The following PLEKHG4B variants were observed in gnomAD, a reference collection of about 807,000 sequenced individuals.
PLEKHG4B encodes the protein pleckstrin homology domain-containing family G member 4B.
In PLEKHG4B, 111 loss-of-function variants were observed where a neutral mutation model predicts 121.3. That is an observed-to-expected ratio of 0.92 (90% CI 0.78 to 1.07). PLEKHG4B has a LOEUF of 1.07. Ranked by LOEUF, PLEKHG4B falls within the 50% of genes least tolerant of loss-of-function variation. PLEKHG4B has a pLI of 0.00. For synonymous variants in PLEKHG4B, 738 were observed against 725.0 expected, an observed-to-expected ratio of 1.02 and a Z score of -0.29; for missense variants, 1,831 against 1,757.8, an observed-to-expected ratio of 1.04 and a Z score of -0.74.
intron 2 of PLEKHG4B, among the ~76,000 whole-genome samples, chr5:120,170 T>C (rs1734426911): frequency 6.6e-6 from 1 of 152,166 alleles, no homozygotes; most frequent in Admixed American, 6.5e-5. Flanking sequence ...AGAGGATTAC[T>C]TGAGCCTGGG....
rs34114320 is a variant in PLEKHG4B, at chr5:152,377, CTT to C, written c.1992+792_1992+793del. On this transcript the variant is annotated intron_variant, in intron 7 of 19. Transcript: ENST00000637938. ...AGGTGTGCACCCCCATGCCAAGCTA[CTT>C]TTTTTTTTTTTTTAAGAGACAGGTT... Among the ~76,000 whole-genome samples, 448 of 142,980 alleles carry C rather than the reference CTT, an allele frequency of 3.1e-3. 6 individuals carry two copies. Among genetic ancestry groups the C allele is most frequent in the African/African-American group, 0.01 (398 of 39,372 alleles). The allele number at this position is 142,980 out of a possible 152,430, so 93.8% of individuals were successfully genotyped here.
chr5:185,277 C>G lies in PLEKHG4B; in HGVS notation c.*2954C>G, dbSNP rs1171448583. ...CCGGCAAGCCACAGACAGGCCTGCT[C>G]TCTGAATTGGTGACCACATGAGTAA... On this transcript the variant is annotated 3_prime_UTR_variant, in exon 20 of 20. Coordinates refer to ENST00000637938, the MANE Select transcript of PLEKHG4B (RefSeq NM_052909.5). 6.6e-6 allele frequency: 1 copy of G among 152,274 alleles called. No homozygotes were observed. The highest frequency in any genetic ancestry group is 1.5e-5 in the Non-Finnish European group (1 of 68,078). 9.4% of individuals were successfully genotyped at this position (152,274 alleles called of 1,614,324 possible). A position where few individuals can be genotyped will look rare whatever the true frequency, so the allele number is the denominator to read the frequency against.
intron 2 of PLEKHG4B, among the ~76,000 whole-genome samples, chr5:131,796 G>C (rs1321549766): frequency 6.6e-6 from 1 of 152,134 alleles, no homozygotes; most frequent in African/African-American, 2.4e-5. Flanking sequence ...ACTTTTTAAT[G>C]ATTGCCATTC....
At chr5:141,603 C>T (rs1735205883) in intron 3 of PLEKHG4B, among the ~76,000 whole-genome samples, 1 of 151,678 alleles carries the variant, frequency 6.6e-6, no homozygotes. Flanking sequence ...AACTGGAGGC[C>T]ACATTCACAG....
Position 171,269 on chromosome 5 carries a change from C to T in PLEKHG4B, c.3875C>T (p.Pro1292Leu). Residue 1292 changes from proline to leucine, a missense_variant, in exon 16 of 20, where the codon CCC (proline) becomes CTC (leucine). Physicochemically the swap from Pro to Leu is moderately conservative, Grantham distance 98 (BLOSUM62 -3). Transcript: ENST00000637938. ...KMDLASYLLR[P>L]VQRVAKYALL... ...GACCTGGCCTCCTACCTGCTGCGGCCCGTGCAGCGTGTGGCCAAGTACGCG... is the reference window on the plus strand; with the variant it reads ...GACCTGGCCTCCTACCTGCTGCGGCTCGTGCAGCGTGTGGCCAAGTACGCG... The T allele has an allele frequency of 6.2e-7, 1 of 1,611,146 alleles. No homozygotes were observed. The highest frequency in any genetic ancestry group is 1.1e-5 in the South Asian group (1 of 90,822).
chr5:177,410 A>AT (rs1323508145), intron 18 of PLEKHG4B, among the ~76,000 whole-genome samples: 1 of 152,216 alleles, frequency 6.6e-6, no homozygotes, highest in Non-Finnish European at 1.5e-5. Flanking sequence ...GTATTACCTA[A>AT]TTTCCAAGAT....
At chr5:115,085 C>G (rs1166514922) in intron 2 of PLEKHG4B, among the ~76,000 whole-genome samples, 1 of 152,210 alleles carries the variant, frequency 6.6e-6, no homozygotes, top group East Asian at 1.9e-4. Flanking sequence ...CAGCTATAGT[C>G]TTACAAAATG....
chr5:171,817 G>A (rs1295146672), intron 16 of PLEKHG4B, among the ~76,000 whole-genome samples: 2 of 152,254 alleles, frequency 1.3e-5, no homozygotes, highest in Non-Finnish European at 2.9e-5. Flanking sequence ...AGCCCTCTGT[G>A]AGAAGGCACT....
At chr5:172,851 A>G (rs1263866177) in intron 16 of PLEKHG4B, 46 bp from the exon 17 acceptor site, 1 of 1,607,852 alleles carries the variant, frequency 6.2e-7, no homozygotes, top group East Asian at 2.2e-5. Flanking sequence ...GCCACCACAG[A>G]CGCCGGATTT....
At position 101,589 on chromosome 5, in the gene PLEKHG4B, A is replaced by T. The variant is rs367645600; in HGVS notation, c.45+9313A>T. The stretch of plus-strand genomic sequence containing the variant: ...TGTAGGGGAGAGACTGTTGTGAGGT[A>T]AATCCATATAAAGCCCTGGGAAAAG... On this transcript the variant is annotated intron_variant, in intron 1 of 19. Coordinates refer to ENST00000637938, the MANE Select transcript of PLEKHG4B (RefSeq NM_052909.5). Among the ~76,000 whole-genome samples the T allele has an allele frequency of 7.4e-3, 726 of 97,948 alleles. 4 individuals carry two copies. Among genetic ancestry groups the T allele is most frequent in the African/African-American group, 0.015 (254 of 17,116 alleles). 64.3% of individuals were successfully genotyped at this position (97,948 alleles called of 152,430 possible). A position where few individuals can be genotyped will look rare whatever the true frequency, so the allele number is the denominator to read the frequency against.
rs570643488 is a variant in PLEKHG4B, at chr5:108,115, G to A, written c.46-5136G>A. On this transcript the variant is annotated intron_variant, in intron 1 of 19. Transcript: ENST00000637938. ...CCCTTGTGGATTGGGTTGGTTATGG[G>A]AATCGGAAAACCATTTCAGGGGAGT... is the stretch of plus-strand genomic sequence containing the variant. Among the ~76,000 whole-genome samples the A allele has an allele frequency of 2.6e-5, 4 of 152,304 alleles. No individual in the cohort carries two copies. In the East Asian group the frequency reaches 7.7e-4, roughly 29 times the overall value.
At chr5:174,174 G>C in intron 18 of PLEKHG4B, 76 bp downstream of exon 18, 1 of 1,119,022 alleles carries the variant, frequency 8.9e-7, no homozygotes, top group South Asian at 1.6e-5. Flanking sequence ...TGGGACTGGG[G>C]TGAGAGCCAG....
chr5:177,723 C>T (rs977973571), intron 18 of PLEKHG4B, among the ~76,000 whole-genome samples: 2 of 152,198 alleles, frequency 1.3e-5, no homozygotes, highest in African/African-American at 2.4e-5. Context: ...ATCGAGTGCC[C>T]CATTTATCCT....
At chr5:107,637 C>T (rs576849662) in intron 1 of PLEKHG4B, among the ~76,000 whole-genome samples, 1 of 152,378 alleles carries the variant, frequency 6.6e-6, no homozygotes, top group Admixed American at 6.5e-5. Flanking sequence ...CCATCCCCGC[C>T]CTGGGTCTGG....
chr5:135,725 A>G lies in PLEKHG4B; in HGVS notation c.244-3758A>G, dbSNP rs188333579. On this transcript the variant is annotated intron_variant, in intron 2 of 19. Coordinates refer to ENST00000637938, the MANE Select transcript of PLEKHG4B (RefSeq NM_052909.5). ...TATATATATATATATATATATATAT[A>G]TATGTATGTCAGTACTACCCAAAGT... Among the ~76,000 whole-genome samples the G allele has an allele frequency of 8.7e-3, 942 of 108,418 alleles. 7 individuals are homozygous for G. Among genetic ancestry groups the G allele is most frequent in the Non-Finnish European group, 0.013 (691 of 51,350 alleles). The allele number at this position is 108,418 out of a possible 152,430, so 71.1% of individuals were successfully genotyped here. A position where few individuals can be genotyped will look rare whatever the true frequency, so the allele number is the denominator to read the frequency against.
rs555880287 is a variant in PLEKHG4B, at chr5:164,632, A to G, written c.3476+1084A>G. 4.9e-3 allele frequency among the ~76,000 whole-genome samples: 637 copies of G among 130,302 alleles called. 48 individuals are homozygous for G. The highest frequency in any genetic ancestry group is 8.1e-3 in the Non-Finnish European group (484 of 59,732). The allele number at this position is 130,302 out of a possible 152,430, so 85.5% of individuals were successfully genotyped here. A position where few individuals can be genotyped will look rare whatever the true frequency, so the allele number is the denominator to read the frequency against. On this transcript the variant is annotated intron_variant, in intron 13 of 19. Transcript: ENST00000637938. ...TCACAGTAATGCTGTGACGGAGCGG[A>G]GCTCACACTAATGCTCTGACGGGCG...
At chr5:147,368 G>T (rs1253884939) in intron 6 of PLEKHG4B, among the ~76,000 whole-genome samples, 3 of 152,198 alleles carry the variant, frequency 2.0e-5, no homozygotes, top group Non-Finnish European at 2.9e-5. Flanking sequence ...TCCCTGGTTG[G>T]GCACCTGGGC....
rs1229479410 is a variant in PLEKHG4B at position 163,167 on chromosome 5, C to A, written c.3095C>A (p.Ala1032Asp). The A allele has an allele frequency of 1.3e-6, 2 of 1,566,598 alleles. No individual in the cohort carries two copies. Among genetic ancestry groups the A allele is most frequent in the Admixed American group, 3.7e-5 (2 of 54,562 alleles). ...GAGACCCTGCGCCCAGGGCTGTGTG[C>A]TCTGTGGGACCCACTGTCCCTCCTC... ...DGETLRPGLCALWDPLSLLRG... is the reference protein window; with the variant it reads ...DGETLRPGLCDLWDPLSLLRG... Residue 1032 changes from alanine to aspartate, a missense_variant, in exon 13 of 20, where the codon GCT becomes GAT. By Grantham distance (126) the Ala-to-Asp change is moderately radical. Coordinates refer to ENST00000637938, the MANE Select transcript of PLEKHG4B (RefSeq NM_052909.5).
chr5:174,872 C>T (rs1050138187), intron 18 of PLEKHG4B, among the ~76,000 whole-genome samples: 5 of 152,016 alleles, frequency 3.3e-5, no homozygotes, highest in African/African-American at 4.8e-5. Flanking sequence ...GGCTGAGCTC[C>T]GTGACTCGAT....
Sources: gnomAD v4.1 joint callset for allele counts (sites outside exome capture counted in the v4.1 genomes callset) on GRCh38, gnomAD v4.1.1 for gene constraint, MANE v1.5 for transcripts, NCBI Gene and HGNC (gene_info 2026-07-23, HGNC 2026-07-21) for gene names.